APOO: variants seen among roughly 807,000 people sequenced by gnomAD.
APOO encodes the protein MICOS complex subunit MIC26.
APOO carries 11 observed loss-of-function variants against 23.1 expected under a neutral mutation model. The ratio of observed to expected loss-of-function variants is 0.48; its 90% CI spans 0.30 to 0.79. The LOEUF (loss-of-function observed/expected upper bound fraction) is 0.79. Ranked by LOEUF, APOO falls within the 30% of genes least tolerant of loss-of-function variation. The pLI, the probability that APOO is intolerant of heterozygous loss-of-function variation, is 0.07. For synonymous variants in APOO, 59 were observed against 54.8 expected, an observed-to-expected ratio of 1.08 and a Z score of -0.34; for missense variants, 160 against 142.7, an observed-to-expected ratio of 1.12 and a Z score of -0.62.
At chrX:23,907,151 G>T (rs1387179073) in intron 1 of APOO, among the ~76,000 whole-genome samples, 1 of 111,661 alleles carries the variant, frequency 9.0e-6, no homozygotes, top group Non-Finnish European at 1.9e-5. Flanking sequence ...CAAAACGCAG[G>T]GAAGGGGGTC....
At chrX:23,838,088 C>T (rs1923783040) in intron 8 of APOO, among the ~76,000 whole-genome samples, 1 of 106,193 alleles carries the variant, frequency 9.4e-6, no homozygotes, top group Non-Finnish European at 1.9e-5. Flanking sequence ...GATGTGGTGG[C>T]TCACACCTGT....
chrX:23,905,833 A>T (rs890520230), intron 1 of APOO, among the ~76,000 whole-genome samples: 8 of 112,847 alleles, frequency 7.1e-5, no homozygotes, highest in Non-Finnish European at 1.5e-4. Context: ...AGTAATGAGC[A>T]TAAGTGATAT....
intron 1 of APOO, among the ~76,000 whole-genome samples, chrX:23,898,888 G>A (rs972960303): frequency 8.9e-6 from 1 of 112,380 alleles, no homozygotes; most frequent in Non-Finnish European, 1.9e-5. Flanking sequence ...TAGTTCACAA[G>A]GACTGAAGTT....
chrX:23,841,550 T>C lies in APOO; in HGVS notation c.562-1173A>G, dbSNP rs1601880900. Among the ~76,000 whole-genome samples, 5 of 99,785 alleles carry C rather than the reference T, an allele frequency of 5.0e-5. 1 individual carries two copies. The Admixed American group carries it at 5.5e-4, about 11-fold the overall frequency. The allele number at this position is 99,785 out of a possible 115,157, so 86.7% of individuals were successfully genotyped here. Reference sequence around the variant, plus strand: ...GATGATAAAGTATATGGTCACCACATCCACTTGATGATGGAGTTCTGGGAA... The same window carrying C: ...GATGATAAAGTATATGGTCACCACACCCACTTGATGATGGAGTTCTGGGAA... On this transcript the variant is annotated intron_variant, in intron 7 of 8. Transcript: ENST00000379226.
chrX:23,853,398 T>C (rs1240441064), intron 7 of APOO, among the ~76,000 whole-genome samples: 4 of 111,780 alleles, frequency 3.6e-5, no homozygotes, highest in East Asian at 2.8e-4. Context: ...TTTAAGAATA[T>C]TGAATTTTGA....
intron 1 of APOO, among the ~76,000 whole-genome samples, chrX:23,895,517 C>G (rs1320781271): frequency 2.7e-5 from 3 of 111,153 alleles, no homozygotes; most frequent in Non-Finnish European, 5.7e-5. Flanking sequence ...GGGAGGGAGA[C>G]CATTAGGACA....
chrX:23,839,646 T>G (rs979390299), intron 8 of APOO, among the ~76,000 whole-genome samples: 1 of 112,080 alleles, frequency 8.9e-6, no homozygotes, highest in African/African-American at 3.2e-5. Flanking sequence ...AAAATCATCA[T>G]GCCACTGAAA....
At chrX:23,862,676 G>A (rs1378551404) in intron 5 of APOO, among the ~76,000 whole-genome samples, 1 of 104,939 alleles carries the variant, frequency 9.5e-6, no homozygotes, top group Non-Finnish European at 1.9e-5. Context: ...AGGAGGCTGA[G>A]ATGGGAGGAT....
At chrX:23,885,879 GA>G (rs1481619137) in intron 1 of APOO, among the ~76,000 whole-genome samples, 15 of 111,453 alleles carry the variant, frequency 1.3e-4, no homozygotes, top group South Asian at 3.8e-4. Context: ...ACAAAACAAA[GA>G]AAAAGCAAAC....
chrX:23,879,743 T>G (rs1445291874), intron 2 of APOO, among the ~76,000 whole-genome samples: 1 of 112,169 alleles, frequency 8.9e-6, no homozygotes, highest in Non-Finnish European at 1.9e-5. Flanking sequence ...GGCATGTCAT[T>G]CAGTTCAAAT....
At chrX:23,833,884 T>C (rs1923529232) in intron 8 of APOO, among the ~76,000 whole-genome samples, 1 of 111,148 alleles carries the variant, frequency 9.0e-6, no homozygotes, top group South Asian at 3.8e-4. Context: ...CGCAGGAGGC[T>C]GAGGCAGGAG....
At chrX:23,883,803 G>GACT (rs1038465292) in intron 1 of APOO, 3 of 111,736 alleles carry the variant, frequency 2.7e-5, no homozygotes, top group Non-Finnish European at 5.6e-5. Flanking sequence ...CACTCCCCAC[G>GACT]ACCTGCCCAT....
At chrX:23,850,695 C>T (rs772664097) in intron 7 of APOO, among the ~76,000 whole-genome samples, 27 of 111,427 alleles carry the variant, frequency 2.4e-4, no homozygotes, top group Admixed American at 9.6e-4. Flanking sequence ...GGGATGGTGG[C>T]GCATGCCTGT....
At chrX:23,870,437 C>T in intron 4 of APOO, among the ~76,000 whole-genome samples, 1 of 111,722 alleles carries the variant, frequency 9.0e-6, no homozygotes, top group Non-Finnish European at 1.9e-5. Flanking sequence ...ATTGCTTACA[C>T]TTCTGTGTTA....
chrX:23,835,063 ATT>A (rs1156289632), intron 8 of APOO, among the ~76,000 whole-genome samples: 3 of 87,535 alleles, frequency 3.4e-5, no homozygotes, highest in Admixed American at 1.4e-4. Context: ...GCAATTAGAG[ATT>A]TTTTTTTTTT....
At chrX:23,897,823 C>T (rs1601943498) in intron 1 of APOO, among the ~76,000 whole-genome samples, 2 of 109,013 alleles carry the variant, frequency 1.8e-5, no homozygotes, top group South Asian at 4.0e-4. Flanking sequence ...GTGAAACCCC[C>T]TCTCTACAAA....
intron 7 of APOO, among the ~76,000 whole-genome samples, chrX:23,841,407 CA>C (rs1407406707): frequency 9.5e-6 from 1 of 105,250 alleles, no homozygotes; most frequent in Non-Finnish European, 1.9e-5. Flanking sequence ...GTAATCCCAG[CA>C]CTTTGGGAGG....
chrX:23,836,628 T>TC (rs1338662793), intron 8 of APOO: 4 of 644,463 alleles, frequency 6.2e-6, no homozygotes, highest in South Asian at 6.7e-5. Context: ...CTAATTTCTT[T>TC]TTTTTTTTTT....
chrX:23,872,590 ATG>A (rs1265844733), intron 4 of APOO, among the ~76,000 whole-genome samples: 1 of 105,554 alleles, frequency 9.5e-6, no homozygotes, highest in Admixed American at 1.0e-4. Flanking sequence ...TACGGGGTAA[ATG>A]AGGTATTTTG....
Sources: gnomAD v4.1 joint callset for allele counts (sites outside exome capture counted in the v4.1 genomes callset) on GRCh38, gnomAD v4.1.1 for gene constraint, MANE v1.5 for transcripts, NCBI Gene and HGNC (gene_info 2026-07-23, HGNC 2026-07-21) for gene names.